Variants in ZNF469 observed in about 807,000 individuals in gnomAD.
The protein encoded by ZNF469 is zinc finger protein 469.
In ZNF469, 1 loss-of-function variant was observed where a neutral mutation model predicts 1.0. That is an observed-to-expected ratio of 1.00 (90% CI 0.35 to 4.73). The LOEUF is 4.73. Ranked by LOEUF, ZNF469 falls within the 30% of genes most tolerant of loss-of-function variation. ZNF469 has a pLI of 0.16. For missense variants in ZNF469, 6,100 were observed against 5,356.3 expected (o/e 1.14, Z -4.33); for synonymous variants, 2,703 against 2,363.4 (o/e 1.14, Z -4.17).
At chr16:88,324,330 C>A in the ZNF469 span, among the ~76,000 whole-genome samples, 2 of 149,620 alleles carry the variant, frequency 1.3e-5, no homozygotes, top group African/African-American at 4.9e-5. Flanking sequence ...CCCCCACACA[C>A]ACCCCTTATG....
chr16:88,125,215 T>C, the ZNF469 span, among the ~76,000 whole-genome samples: 1 of 145,174 alleles, frequency 6.9e-6, no homozygotes, highest in Non-Finnish European at 1.5e-5. Context: ...CTTCTTTCAT[T>C]GATCTACACA....
chr16:88,314,236 T>A, the ZNF469 span, among the ~76,000 whole-genome samples: 1 of 131,362 alleles, frequency 7.6e-6, no homozygotes, highest in African/African-American at 2.7e-5. Context: ...ATTAAGATGA[T>A]GCTGGTGTAG....
chr16:88,401,907 G>C (rs1465074814), intron 1 of ZNF469, among the ~76,000 whole-genome samples: 1 of 64,182 alleles, frequency 1.6e-5, no homozygotes, highest in Non-Finnish European at 3.1e-5. Context: ...TGGATGGATG[G>C]AGGGATGGAT....
the ZNF469 span, among the ~76,000 whole-genome samples, chr16:88,313,230 T>C: frequency 3.9e-5 from 6 of 152,212 alleles, no homozygotes; most frequent in Non-Finnish European, 7.3e-5. Flanking sequence ...ATATTTTCTA[T>C]CTAATTATAT....
the ZNF469 span, among the ~76,000 whole-genome samples, chr16:88,240,152 G>A: frequency 6.6e-6 from 1 of 151,924 alleles, no homozygotes; most frequent in Non-Finnish European, 1.5e-5. Context: ...CTCAAAGCCT[G>A]CTCTGTCCTG....
the ZNF469 span, among the ~76,000 whole-genome samples, chr16:88,186,646 T>A: frequency 6.6e-6 from 1 of 151,184 alleles, no homozygotes; most frequent in Non-Finnish European, 1.5e-5. Flanking sequence ...CGGGCCCACC[T>A]CCCCCGGCAG....
chr16:88,356,251 A>G, the ZNF469 span, among the ~76,000 whole-genome samples: 1 of 152,116 alleles, frequency 6.6e-6, no homozygotes, highest in Non-Finnish European at 1.5e-5. Context: ...TTGGAGATCA[A>G]AGGGGAGTGG....
At chr16:88,205,414 A>T in the ZNF469 span, among the ~76,000 whole-genome samples, 2 of 152,126 alleles carry the variant, frequency 1.3e-5, no homozygotes, top group African/African-American at 4.8e-5. The surrounding 1 kb of genome is among the most constrained non-coding windows in gnomAD (Gnocchi z 4.2). Flanking sequence ...AGGGTTCCCC[A>T]TTTGGGCTGT....
chr16:88,148,594 C>G, the ZNF469 span, among the ~76,000 whole-genome samples: 1 of 152,284 alleles, frequency 6.6e-6, no homozygotes, highest in African/African-American at 2.4e-5. Context: ...CTCCAGGGTC[C>G]CTGAGCTCCC....
chr16:88,106,170 G>A, the ZNF469 span, among the ~76,000 whole-genome samples: 14,140 of 152,184 alleles, frequency 0.093, 879 homozygotes, highest in East Asian at 0.21. Flanking sequence ...ACAGTGTGGC[G>A]GGCGCCAGCA....
chr16:88,124,759 T>G, the ZNF469 span, among the ~76,000 whole-genome samples: 2 of 152,096 alleles, frequency 1.3e-5, no homozygotes, highest in African/African-American at 4.8e-5. Context: ...TAATTTTGTA[T>G]TTTTAGTAGA....
chr16:88,335,377 C>T, the ZNF469 span, among the ~76,000 whole-genome samples: 3 of 152,232 alleles, frequency 2.0e-5, no homozygotes, highest in African/African-American at 7.2e-5. Flanking sequence ...AGGGCCACTC[C>T]GGGGTGCTCT....
chr16:88,151,234 G>A, the ZNF469 span, among the ~76,000 whole-genome samples: 23 of 152,314 alleles, frequency 1.5e-4, no homozygotes, highest in African/African-American at 3.8e-4. This position sits in a 1 kb window ranked among gnomAD's most constrained non-coding sequence, Gnocchi z 5.4. Context: ...CCCAGCAGAC[G>A]GGCTTCATCC....
At chr16:88,371,861 T>C in the ZNF469 span, among the ~76,000 whole-genome samples, 2 of 150,572 alleles carry the variant, frequency 1.3e-5, no homozygotes, top group East Asian at 3.9e-4. Context: ...ATCATCACCA[T>C]CACCATCATC....
At chr16:88,147,542 G>A in the ZNF469 span, among the ~76,000 whole-genome samples, 1 of 152,176 alleles carries the variant, frequency 6.6e-6, no homozygotes, top group Non-Finnish European at 1.5e-5. Flanking sequence ...GTGCTGGGAG[G>A]AGAGGCCAGG....
the ZNF469 span, among the ~76,000 whole-genome samples, chr16:88,371,123 A>G: frequency 6.3e-4 from 96 of 152,376 alleles, no homozygotes; most frequent in African/African-American, 2.3e-3. Context: ...TAATCTAGTT[A>G]CTGTTTAAGC....
At chr16:88,334,136 G>C in the ZNF469 span, among the ~76,000 whole-genome samples, 2 of 152,104 alleles carry the variant, frequency 1.3e-5, no homozygotes, top group Non-Finnish European at 2.9e-5. Context: ...GTGTGCCCAA[G>C]GGAGGCAGGC....
the ZNF469 span, among the ~76,000 whole-genome samples, chr16:88,237,802 T>G: frequency 1.9e-3 from 273 of 145,620 alleles, no homozygotes; most frequent in South Asian, 0.011. Context: ...CTCCCGCCAC[T>G]CACCCTCCCT....
At chr16:88,211,093 T>C in the ZNF469 span, among the ~76,000 whole-genome samples, 2 of 152,260 alleles carry the variant, frequency 1.3e-5, no homozygotes, top group Admixed American at 1.3e-4. Context: ...AGTATTTTAA[T>C]GTTTTCCTTA....
Sources: gnomAD v4.1 joint callset for allele counts (sites outside exome capture counted in the v4.1 genomes callset) on GRCh38, gnomAD v4.1.1 for gene constraint, Gnocchi (gnomAD v3.1) non-coding constraint, MANE v1.5 for transcripts, NCBI Gene and HGNC (gene_info 2026-07-23, HGNC 2026-07-21) for gene names.